PCCA: variants seen among roughly 807,000 people sequenced by gnomAD.
PCCA encodes propionyl-CoA carboxylase alpha chain, mitochondrial.
A neutral mutation model predicts 101.3 loss-of-function variants in PCCA; 74 were observed. That is an observed-to-expected ratio of 0.73 (90% CI 0.61 to 0.89). The LOEUF (loss-of-function observed/expected upper bound fraction) is 0.89. Among genes scored for constraint, PCCA ranks in the 40% least tolerant of loss-of-function variants. The pLI is 0.00. For missense variants in PCCA, 891 were observed against 907.0 expected, an observed-to-expected ratio of 0.98 and a Z score of 0.23; for synonymous variants, 294 against 313.6, an observed-to-expected ratio of 0.94 and a Z score of 0.66.
At chr13:100,354,548 G>A (rs948676901) in intron 18 of PCCA, among the ~76,000 whole-genome samples, 23 of 151,892 alleles carry the variant, frequency 1.5e-4, no homozygotes, top group Admixed American at 2.6e-4. Flanking sequence ...AGCAATAGAG[G>A]AAATCAATAA....
At chr13:100,450,256 C>T (rs528353624) in intron 21 of PCCA, among the ~76,000 whole-genome samples, 4 of 151,876 alleles carry the variant, frequency 2.6e-5, no homozygotes, top group Admixed American at 6.6e-5. Flanking sequence ...TGGTGGTGGG[C>T]GCCTATAATC....
chr13:100,286,936 G>C (rs1805177090), intron 12 of PCCA, among the ~76,000 whole-genome samples: 1 of 151,994 alleles, frequency 6.6e-6, no homozygotes, highest in Non-Finnish European at 1.5e-5. Flanking sequence ...TTTCAGGAGT[G>C]ACATACTTAG....
intron 12 of PCCA, among the ~76,000 whole-genome samples, chr13:100,273,719 A>G (rs2063462430): frequency 6.6e-6 from 1 of 152,172 alleles, no homozygotes; most frequent in African/African-American, 2.4e-5. Flanking sequence ...AAGGAAGGGT[A>G]CCCAGAGTGA....
chr13:100,495,558 T>A lies in PCCA; in HGVS notation c.1900-19869T>A, dbSNP rs566908787. Among the ~76,000 whole-genome samples the A allele has an allele frequency of 2.0e-5, 3 of 152,360 alleles. No individual in the cohort carries two copies. In the South Asian group the frequency reaches 6.2e-4, roughly 32 times the overall value. On this transcript the variant is annotated intron_variant, in intron 21 of 23. Transcript: ENST00000376285. Reference sequence around the variant, plus strand: ...AAGAAGCTCAGTATTATTTTGAATGTTCTTGCTTCTCATTTATGACTACTC... The same window carrying A: ...AAGAAGCTCAGTATTATTTTGAATGATCTTGCTTCTCATTTATGACTACTC...
chr13:100,470,976 T>A (rs1001528524), intron 21 of PCCA, among the ~76,000 whole-genome samples: 1 of 152,240 alleles, frequency 6.6e-6, no homozygotes, highest in Non-Finnish European at 1.5e-5. Flanking sequence ...TTCCTTTGCA[T>A]TTACAACTTG....
chr13:100,385,639 T>G (rs2076459297), intron 19 of PCCA, among the ~76,000 whole-genome samples: 1 of 152,250 alleles, frequency 6.6e-6, no homozygotes. Flanking sequence ...TTTATTTTTT[T>G]TGAGACCAGG....
chr13:100,515,836 T>C (rs1014888227), intron 22 of PCCA, among the ~76,000 whole-genome samples: 2 of 152,238 alleles, frequency 1.3e-5, no homozygotes, highest in African/African-American at 4.8e-5. Context: ...AAATGCAGTG[T>C]TTTGGGAAGT....
chr13:100,339,433 A>C (rs1312741073), intron 17 of PCCA, among the ~76,000 whole-genome samples: 1 of 152,182 alleles, frequency 6.6e-6, no homozygotes, highest in Non-Finnish European at 1.5e-5. Flanking sequence ...ATTTGTGGTG[A>C]AGTTACAGAG....
chr13:100,292,316 C>G (rs1018255756), intron 12 of PCCA, among the ~76,000 whole-genome samples: 1 of 152,182 alleles, frequency 6.6e-6, no homozygotes, highest in African/African-American at 2.4e-5. Flanking sequence ...TCACTCAGAG[C>G]AAGTAAATTC....
intron 18 of PCCA, among the ~76,000 whole-genome samples, chr13:100,348,257 CTCTT>C (rs1167390756): frequency 2.6e-5 from 4 of 152,176 alleles, no homozygotes; most frequent in African/African-American, 9.7e-5. Context: ...ATGGGCTTCA[CTCTT>C]TCATCATTTA....
intron 21 of PCCA, among the ~76,000 whole-genome samples, chr13:100,489,694 T>G (rs1203064388): frequency 1.3e-5 from 2 of 152,192 alleles, no homozygotes; most frequent in South Asian, 2.1e-4. Context: ...AAAAACAAAA[T>G]GTACCAGACA....
chr13:100,381,111 G>C (rs1192017079), intron 19 of PCCA, among the ~76,000 whole-genome samples: 1 of 152,210 alleles, frequency 6.6e-6, no homozygotes, highest in Non-Finnish European at 1.5e-5. Context: ...TAGGCCAGGT[G>C]CGGTGGCTCA....
chr13:100,511,440 G>A (rs187987791), intron 21 of PCCA, among the ~76,000 whole-genome samples: 1 of 152,322 alleles, frequency 6.6e-6, no homozygotes, highest in East Asian at 1.9e-4. Context: ...AATCTTTGAA[G>A]AAGTGTCTGC....
At chr13:100,400,635 T>TTTTTTTTTTTTTTTTTTTTTTA in intron 19 of PCCA, among the ~76,000 whole-genome samples, 1 of 141,114 alleles carries the variant, frequency 7.1e-6, no homozygotes, top group East Asian at 2.1e-4. Flanking sequence ...TAGTTCTTTT[T>TTTTTTTTTTTTTTTTTTTTTTA]TTTTTTTTTT....
At chr13:100,098,999 A>T (rs2047023427) in intron 1 of PCCA, among the ~76,000 whole-genome samples, 2 of 152,184 alleles carry the variant, frequency 1.3e-5, no homozygotes, top group Non-Finnish European at 2.9e-5. Context: ...CTTCACCTGG[A>T]ATTTTAGAGA....
chr13:100,373,056 G>A (rs1011232385), intron 19 of PCCA, among the ~76,000 whole-genome samples: 7 of 151,898 alleles, frequency 4.6e-5, no homozygotes, highest in Admixed American at 4.6e-4. Context: ...CCCGATAAGA[G>A]TTTAATATCT....
intron 16 of PCCA, among the ~76,000 whole-genome samples, chr13:100,323,050 G>A (rs774005488): frequency 5.3e-5 from 8 of 152,236 alleles, no homozygotes; most frequent in Non-Finnish European, 1.0e-4. Context: ...AGATAGGTTT[G>A]CTCAGATTAA....
Position 100,339,118 on chromosome 13 carries a change from C to T in PCCA, c.1541-1039C>T, listed in dbSNP as rs374976563. ...TTACATATAACTTAGACATATCCTC[C>T]CTGCACTTTAAATCATCTCTAGGTT... On this transcript the variant is annotated intron_variant, in intron 17 of 23. Coordinates refer to ENST00000376285, the MANE Select transcript of PCCA (RefSeq NM_000282.4). Among the ~76,000 whole-genome samples the T allele has an allele frequency of 9.8e-4, 149 of 152,128 alleles. 4 individuals carry two copies. In the South Asian group the frequency reaches 0.028, roughly 29 times the overall value.
Position 100,474,440 on chromosome 13 carries a change from TTCTCTCTCTC to T in PCCA, c.1899+25155_1899+25164del, listed in dbSNP as rs58811683. 6.2e-5 allele frequency among the ~76,000 whole-genome samples: 9 copies of T among 144,290 alleles called. No homozygotes were observed. The South Asian group carries it at 1.4e-3, about 22-fold the overall frequency. The allele number at this position is 144,290 out of a possible 152,430, so 94.7% of individuals were successfully genotyped here. Reference sequence around the variant, plus strand: ...TCTTATAATTTTATGTATTTACTGTTTCTCTCTCTCTCTCTCTCTCTCTCTCTCTGTCTCT... The same window carrying T: ...TCTTATAATTTTATGTATTTACTGTTTCTCTCTCTCTCTCTCTCTGTCTCT... On this transcript the variant is annotated intron_variant, in intron 21 of 23. Transcript: ENST00000376285.
Sources: allele counts gnomAD v4.1 joint callset (sites outside exome capture counted in the v4.1 genomes callset), GRCh38; gene constraint gnomAD v4.1.1; transcripts MANE v1.5; gene names NCBI Gene and HGNC (gene_info 2026-07-23, HGNC 2026-07-21).